Variants in MSRA observed in about 807,000 individuals in gnomAD.
MSRA encodes the protein mitochondrial peptide methionine sulfoxide reductase.
Under a neutral mutation model 31.3 loss-of-function variants are expected in MSRA, and 54 were observed. The ratio of observed to expected loss-of-function variants is 1.73; its 90% CI spans 1.39 to 2.17. MSRA has a LOEUF of 2.17. MSRA is among the 30% of genes most tolerant of loss of function. The pLI is 0.00. For synonymous variants in MSRA, 169 were observed against 116.5 expected, an observed-to-expected ratio of 1.45 and a Z score of -2.90; for missense variants, 507 against 300.9, an observed-to-expected ratio of 1.69 and a Z score of -5.07.
At chr8:10,093,236 C>G (rs142015035) in intron 1 of MSRA, among the ~76,000 whole-genome samples, 2 of 152,142 alleles carry the variant, frequency 1.3e-5, no homozygotes, top group Non-Finnish European at 2.9e-5. Context: ...GGGCTATATT[C>G]TACGTATCTT....
chr8:10,192,859 G>A (rs547148868), intron 1 of MSRA, among the ~76,000 whole-genome samples: 1 of 110,880 alleles, frequency 9.0e-6, no homozygotes, highest in South Asian at 3.2e-4. Context: ...GTTTATAACA[G>A]CATGTTCATG....
chr8:10,324,792 G>A (rs1168326677), intron 5 of MSRA, among the ~76,000 whole-genome samples: 1 of 152,188 alleles, frequency 6.6e-6, no homozygotes, highest in East Asian at 1.9e-4. Flanking sequence ...GTTAGCCCCT[G>A]CCACTGGTAA....
chr8:10,079,274 T>C (rs1798159779), intron 1 of MSRA, among the ~76,000 whole-genome samples: 1 of 152,084 alleles, frequency 6.6e-6, no homozygotes, highest in Non-Finnish European at 1.5e-5. Context: ...TCCTCCCATC[T>C]CAGCCTCCCA....
intron 5 of MSRA, among the ~76,000 whole-genome samples, chr8:10,398,245 G>C (rs1019143862): frequency 6.6e-6 from 1 of 152,132 alleles, no homozygotes; most frequent in South Asian, 2.1e-4. Context: ...ACAGTTCTGG[G>C]GTAAGCCATT....
intron 5 of MSRA, among the ~76,000 whole-genome samples, chr8:10,385,243 G>T (rs1353590568): frequency 6.6e-6 from 1 of 152,174 alleles, no homozygotes; most frequent in Non-Finnish European, 1.5e-5. Context: ...AGACCACCTG[G>T]GGGATGGCAG....
intron 1 of MSRA, among the ~76,000 whole-genome samples, chr8:10,167,022 C>G (rs75936460): frequency 1.1e-3 from 168 of 152,330 alleles, no homozygotes; most frequent in African/African-American, 3.9e-3. Context: ...TTTACAAGAG[C>G]TGGAGCAAAG....
chr8:10,411,287 C>A (rs1013101996), intron 5 of MSRA: 1 of 152,128 alleles, frequency 6.6e-6, no homozygotes, highest in East Asian at 1.9e-4. Context: ...TTTTGTGGGC[C>A]GTCCTCTGTG....
intron 5 of MSRA, among the ~76,000 whole-genome samples, chr8:10,361,368 A>C (rs527786805): frequency 6.6e-6 from 1 of 152,166 alleles, no homozygotes; most frequent in South Asian, 2.1e-4. Flanking sequence ...CTTCCTTGGG[A>C]GACTTGTGCT....
At chr8:10,165,026 A>C (rs764395430) in intron 1 of MSRA, among the ~76,000 whole-genome samples, 2 of 152,242 alleles carry the variant, frequency 1.3e-5, no homozygotes, top group Admixed American at 1.3e-4. Context: ...AAAAAACAAC[A>C]CAAAAAACTG....
intron 1 of MSRA, among the ~76,000 whole-genome samples, chr8:10,143,420 C>G (rs1802870313): frequency 6.6e-6 from 1 of 152,164 alleles, no homozygotes. Context: ...TGTATAATTT[C>G]AGCCCCGTTA....
chr8:10,374,073 C>A (rs910379305), intron 5 of MSRA, among the ~76,000 whole-genome samples: 21 of 152,178 alleles, frequency 1.4e-4, no homozygotes, highest in African/African-American at 5.1e-4. Context: ...AGACATTGTC[C>A]CCTGCCATTA....
chr8:10,267,245 C>G (rs748310938), intron 3 of MSRA, among the ~76,000 whole-genome samples: 23 of 152,152 alleles, frequency 1.5e-4, no homozygotes, highest in Admixed American at 3.9e-4. Flanking sequence ...GACGGCTATC[C>G]CAAACAATGT....
chr8:10,420,109 A>G lies in MSRA; in HGVS notation c.544-8039A>G, dbSNP rs75673605. On this transcript the variant is annotated intron_variant, in intron 5 of 5. Coordinates refer to ENST00000317173, the MANE Select transcript of MSRA (RefSeq NM_012331.5). Reference sequence around the variant, plus strand: ...AGTGGAATAGTGTGCAGCCTTAAAAAGAAAGGGTATTCTGACGCATGCCAC... The same window carrying G: ...AGTGGAATAGTGTGCAGCCTTAAAAGGAAAGGGTATTCTGACGCATGCCAC... Among the ~76,000 whole-genome samples, 675 of 152,312 alleles carry G rather than the reference A, an allele frequency of 4.4e-3. 7 individuals carry two copies. The highest frequency in any genetic ancestry group is 0.015 in the African/African-American group (644 of 41,568).
At chr8:10,300,124 T>TTGTGTGTGTGTG (rs10682921) in intron 3 of MSRA, among the ~76,000 whole-genome samples, 43 of 149,656 alleles carry the variant, frequency 2.9e-4, no homozygotes, top group Middle Eastern at 3.4e-3. Flanking sequence ...TGGAAGAAAT[T>TTGTGTGTGTGTG]TGTGTGTGTG....
chr8:10,160,622 A>T (rs1804552240), intron 1 of MSRA, among the ~76,000 whole-genome samples: 1 of 152,110 alleles, frequency 6.6e-6, no homozygotes, highest in Non-Finnish European at 1.5e-5. Flanking sequence ...AACCTCTGCC[A>T]CCCAGGTTCA....
intron 1 of MSRA, among the ~76,000 whole-genome samples, chr8:10,183,323 A>G (rs896834994): frequency 2.0e-5 from 3 of 152,184 alleles, no homozygotes; most frequent in African/African-American, 7.2e-5. Flanking sequence ...CAGACCTGCA[A>G]TGTGTCATCT....
intron 5 of MSRA, among the ~76,000 whole-genome samples, chr8:10,399,900 G>C (rs1807336220): frequency 6.6e-6 from 1 of 152,198 alleles, no homozygotes; most frequent in African/African-American, 2.4e-5. Context: ...CTTGGGGGCA[G>C]CATGGAACTT....
chr8:10,217,835 C>G (rs966960528), intron 2 of MSRA, among the ~76,000 whole-genome samples: 1 of 152,134 alleles, frequency 6.6e-6, no homozygotes, highest in African/African-American at 2.4e-5. Flanking sequence ...TTTTTTAAAA[C>G]TGTTTATCTG....
At chr8:10,160,462 T>C (rs1382941355) in intron 1 of MSRA, among the ~76,000 whole-genome samples, 5 of 151,092 alleles carry the variant, frequency 3.3e-5, no homozygotes, top group Non-Finnish European at 7.4e-5. Context: ...GCCACCGCAC[T>C]CTAGCCTGGG....
Sources: allele counts gnomAD v4.1 joint callset (sites outside exome capture counted in the v4.1 genomes callset), GRCh38; gene constraint gnomAD v4.1.1; transcripts MANE v1.5; gene names NCBI Gene and HGNC (gene_info 2026-07-23, HGNC 2026-07-21).